Variants in ENTPD3 observed in about 807,000 individuals in gnomAD.
ENTPD3 encodes the protein CD39 antigen-like 3.
Under a neutral mutation model 51.2 loss-of-function variants are expected in ENTPD3, and 60 were observed. That is an observed-to-expected ratio of 1.17 (90% confidence interval 0.95 to 1.45). The LOEUF (loss-of-function observed/expected upper bound fraction) is 1.45. ENTPD3 is among the 40% of genes most tolerant of loss of function. The pLI is 0.00. For missense variants in ENTPD3, 593 were observed against 641.1 expected, an observed-to-expected ratio of 0.93 and a Z score of 0.81; for synonymous variants, 221 against 238.4, an observed-to-expected ratio of 0.93 and a Z score of 0.67.
At chr3:40,396,877 C>T (rs1955213841) in intron 3 of ENTPD3, among the ~76,000 whole-genome samples, 1 of 152,146 alleles carries the variant, frequency 6.6e-6, no homozygotes, top group East Asian at 1.9e-4. Flanking sequence ...TAAGGATGGG[C>T]TTTTCCACTG....
chr3:40,411,956 T>C lies in ENTPD3; in HGVS notation c.431T>C (p.Leu144Ser). The change falls in exon 5 of 11, where the codon TTG (leucine) becomes TCG (serine). Residue 144 changes from leucine to serine, a missense_variant. Transcript: ENST00000301825. ...IHLGATAGMR[L>S]LRLQNETAAN... Reference sequence around the variant, plus strand: ...CTGGGAGCCACGGCTGGGATGCGCTTGCTGAGGTAAAGGCTAAGTGGCACA... The same window carrying C: ...CTGGGAGCCACGGCTGGGATGCGCTCGCTGAGGTAAAGGCTAAGTGGCACA... 6.2e-7 allele frequency: 1 copy of C among 1,610,284 alleles called. No individual in the cohort carries two copies. Among genetic ancestry groups the C allele is most frequent in the Non-Finnish European group, 8.5e-7 (1 of 1,178,468 alleles).
intron 7 of ENTPD3, among the ~76,000 whole-genome samples, chr3:40,418,978 G>A (rs145408804): frequency 6.6e-6 from 1 of 152,146 alleles, no homozygotes; most frequent in Non-Finnish European, 1.5e-5. Context: ...CATAGAAAGA[G>A]TGTTAAAGTC....
chr3:40,416,617 G>A (rs1955753219), intron 7 of ENTPD3, among the ~76,000 whole-genome samples: 1 of 152,108 alleles, frequency 6.6e-6, no homozygotes, highest in African/African-American at 2.4e-5. Flanking sequence ...GTGTTCCAGG[G>A]CCCAGAAGGC....
chr3:40,399,902 A>G (rs1191044301), intron 3 of ENTPD3, among the ~76,000 whole-genome samples: 1 of 152,184 alleles, frequency 6.6e-6, no homozygotes, highest in African/African-American at 2.4e-5. Context: ...ATATGTCAAT[A>G]TTATTTTTTT....
At chr3:40,419,938 T>C (rs993257302) in intron 7 of ENTPD3, among the ~76,000 whole-genome samples, 2 of 152,200 alleles carry the variant, frequency 1.3e-5, no homozygotes, top group African/African-American at 2.4e-5. Context: ...GAATGTTGAA[T>C]GCCTGAACTT....
intron 3 of ENTPD3, among the ~76,000 whole-genome samples, chr3:40,398,465 T>G (rs1955262523): frequency 6.6e-6 from 1 of 152,122 alleles, no homozygotes; most frequent in South Asian, 2.1e-4. Flanking sequence ...GGCCTGGACC[T>G]CTTTAGTTTA....
chr3:40,393,068 A>C (rs1955102510), intron 3 of ENTPD3, among the ~76,000 whole-genome samples: 1 of 151,826 alleles, frequency 6.6e-6, no homozygotes. Context: ...TCCATCCCCA[A>C]ATGATCTTTA....
chr3:40,423,311 C>T lies in ENTPD3; in HGVS notation c.1125C>T (p.Tyr375=). Residue 375 remains tyrosine, a synonymous_variant, in exon 9 of 11, where the codon TAC becomes TAT. Coordinates refer to ENST00000301825, the MANE Select transcript of ENTPD3 (RefSeq NM_001248.4). Reference sequence around the variant, plus strand: ...TCCAGGCTTTTGCAGGATTCTACTACACAGCCAGTGCTTTAAATCTTTCAG... The same window carrying T: ...TCCAGGCTTTTGCAGGATTCTACTATACAGCCAGTGCTTTAAATCTTTCAG... ...GPFVAFAGFY[Y]TASALNLSGS... 6.2e-7 allele frequency: 1 copy of T among 1,613,762 alleles called. No individual in the cohort carries two copies.
chr3:40,420,126 G>A (rs1160087819), intron 7 of ENTPD3, among the ~76,000 whole-genome samples: 1 of 151,852 alleles, frequency 6.6e-6, no homozygotes, highest in Non-Finnish European at 1.5e-5. Context: ...CATTTTAAAA[G>A]TATAAATCTC....
intron 3 of ENTPD3, among the ~76,000 whole-genome samples, chr3:40,397,025 C>G (rs1460690718): frequency 6.6e-6 from 1 of 151,938 alleles, no homozygotes; most frequent in Non-Finnish European, 1.5e-5. Flanking sequence ...TCCCTTTTAA[C>G]CCTCATTGAG....
chr3:40,392,015 C>A lies in ENTPD3; in HGVS notation c.41-8C>A, dbSNP rs377384538. On this transcript the variant is annotated splice_region_variant and splice_polypyrimidine_tract_variant and intron_variant, in intron 2 of 10. Coordinates refer to ENST00000301825, the MANE Select transcript of ENTPD3 (RefSeq NM_001248.4). ...CCCTCAAGTGTCTTCTGGGTCTTCT[C>A]ATTTTAGGCCTCAAGGCCCTCTACC... is the stretch of plus-strand genomic sequence containing the variant. 12 of 1,613,904 alleles carry A rather than the reference C, an allele frequency of 7.4e-6. No individual in the cohort carries two copies. In the African/African-American group the frequency reaches 1.6e-4, roughly 22 times the overall value.
chr3:40,414,913 A>C (rs750054107), intron 6 of ENTPD3, 73 bp downstream of exon 6: 1 of 1,486,292 alleles, frequency 6.7e-7, no homozygotes, highest in Non-Finnish European at 9.3e-7. Context: ...GCCTAAGTAG[A>C]GGTACATGCC....
At chr3:40,416,827 C>T (rs1168350586) in intron 7 of ENTPD3, among the ~76,000 whole-genome samples, 3 of 152,094 alleles carry the variant, frequency 2.0e-5, no homozygotes, top group Non-Finnish European at 2.9e-5. Flanking sequence ...TCAGAAGCCA[C>T]AGATCCTGGC....
chr3:40,400,788 C>A, intron 3 of ENTPD3, 106 bp from the exon 4 acceptor site: 1 of 775,122 alleles, frequency 1.3e-6, no homozygotes, highest in South Asian at 1.8e-5. Flanking sequence ...CTTCCCTAAG[C>A]GAAGCAGTGT....
In ENTPD3 at chr3:40,427,358, G is replaced by A; in HGVS notation, c.1440G>A (p.Leu480=). ...QIPAESPLIR[L]PIEPPVFVGT... is the part of the protein sequence containing the mutation. Reference sequence around the variant, plus strand: ...CAGCTGAAAGCCCTCTGATCCGTCTGCCCATAGAACCACCTGTCTTTGTGG... The same window carrying A: ...CAGCTGAAAGCCCTCTGATCCGTCTACCCATAGAACCACCTGTCTTTGTGG... The change falls in exon 11 of 11, where the codon CTG becomes CTA. Residue 480 remains leucine, a synonymous_variant. Transcript: ENST00000301825. 1 of 1,614,122 alleles carries A rather than the reference G, an allele frequency of 6.2e-7. No individual in the cohort carries two copies. The highest frequency in any genetic ancestry group is 8.5e-7 in the Non-Finnish European group (1 of 1,180,022).
intron 10 of ENTPD3, among the ~76,000 whole-genome samples, chr3:40,425,341 G>C (rs903315907): frequency 1.3e-5 from 2 of 152,002 alleles, no homozygotes; most frequent in Non-Finnish European, 2.9e-5. Flanking sequence ...ACTTGCACCT[G>C]GGAGGTGAAG....
rs1955706171 is a variant in ENTPD3, at chr3:40,414,792, G to T, written c.549G>T (p.Gly183=). Reference sequence around the variant, plus strand: ...AAATCATTTCTGGGCAAGAAGAAGGGGTATATGGATGGATTACAGCCAACT... The same window carrying T: ...AAATCATTTCTGGGCAAGAAGAAGGTGTATATGGATGGATTACAGCCAACT... ...GAQIISGQEE[G]VYGWITANYL... The change falls in exon 6 of 11, where the codon GGG becomes GGT. Residue 183 remains glycine, a synonymous_variant. Coordinates refer to ENST00000301825, the MANE Select transcript of ENTPD3 (RefSeq NM_001248.4). 6.2e-7 allele frequency: 1 copy of T among 1,613,970 alleles called. No homozygotes were observed. The highest frequency in any genetic ancestry group is 1.3e-5 in the African/African-American group (1 of 74,996).
Position 40,422,968 on chromosome 3 carries a change from A to G in ENTPD3, c.950A>G (p.Tyr317Cys). 2 of 1,614,140 alleles carry G rather than the reference A, an allele frequency of 1.2e-6. No individual in the cohort carries two copies. Among genetic ancestry groups the G allele is most frequent in the Non-Finnish European group, 1.7e-6 (2 of 1,180,012 alleles). ...LCTVDQRPESYNPNDVITFEG... is the reference protein window; with the variant it reads ...LCTVDQRPESCNPNDVITFEG... Reference sequence around the variant, plus strand: ...ACTGTGGACCAGAGGCCAGAAAGTTATAACCCCAATGATGTCATCACTTTT... The same window carrying G: ...ACTGTGGACCAGAGGCCAGAAAGTTGTAACCCCAATGATGTCATCACTTTT... Residue 317 changes from tyrosine to cysteine, a missense_variant, in exon 8 of 11, where the codon TAT becomes TGT. Coordinates refer to ENST00000301825, the MANE Select transcript of ENTPD3 (RefSeq NM_001248.4).
In ENTPD3 at chr3:40,392,123, G is replaced by C. The variant is rs1955071284; in HGVS notation, c.141G>C (p.Lys47Asn). The C allele has an allele frequency of 1.9e-6, 3 of 1,614,212 alleles. No homozygotes were observed. Among genetic ancestry groups the C allele is most frequent in the Non-Finnish European group, 2.5e-6 (3 of 1,180,040 alleles). ...GTATCACTGTCATCCAGATCCACAAGCAAGAGGTCCTCCCTCCAGGACTGA... is the reference window on the plus strand; with the variant it reads ...GTATCACTGTCATCCAGATCCACAACCAAGAGGTCCTCCCTCCAGGACTGA... ...LVSITVIQIH[K>N]QEVLPPGLKY... Residue 47 changes from lysine to asparagine, a missense_variant, in exon 3 of 11, where the codon AAG becomes AAC. Coordinates refer to ENST00000301825, the MANE Select transcript of ENTPD3 (RefSeq NM_001248.4).
Sources: allele counts gnomAD v4.1 joint callset (sites outside exome capture counted in the v4.1 genomes callset), GRCh38; gene constraint gnomAD v4.1.1; transcripts MANE v1.5; gene names NCBI Gene and HGNC (gene_info 2026-07-23, HGNC 2026-07-21).